RGP1: variants seen among roughly 807,000 people sequenced by gnomAD.
The protein encoded by RGP1 is RGP1 partner of RAB6A GEF complex.
A neutral mutation model predicts 44.5 loss-of-function variants in RGP1; 28 were observed. That is an observed-to-expected ratio of 0.63 (90% confidence interval 0.47 to 0.86). RGP1 has a LOEUF of 0.86. RGP1 is among the 40% of genes least tolerant of loss of function. RGP1 has a pLI of 0.00. For missense variants in RGP1, 417 were observed against 490.7 expected (o/e 0.85, Z 1.42); for synonymous variants, 212 against 196.7 (o/e 1.08, Z -0.65).
rs778571366 is a variant in RGP1 at position 35,750,958 on chromosome 9, C to G, written c.456C>G (p.Leu152=). Residue 152 remains leucine, a synonymous_variant, in exon 5 of 9, where the codon CTC becomes CTG. Transcript: ENST00000378078. The part of the protein sequence containing the change: ...CQRVNSPITL[L]RVPLRVLVLT... ...GTGTCAACTCCCCTATCACTTTACTCAGAGTCCCTCTGAGGGTTCTTGTGC... is the reference window on the plus strand; with the variant it reads ...GTGTCAACTCCCCTATCACTTTACTGAGAGTCCCTCTGAGGGTTCTTGTGC... The G allele has an allele frequency of 3.1e-6, 5 of 1,613,942 alleles. No homozygotes were observed. The highest frequency in any genetic ancestry group is 4.2e-6 in the Non-Finnish European group (5 of 1,179,886).
intron 8 of RGP1, 54 bp downstream of exon 8, chr9:35,752,199 C>T (rs1356683415): frequency 2.0e-6 from 3 of 1,468,656 alleles, no homozygotes; most frequent in Non-Finnish European, 2.7e-6. Context: ...AAATGCTGTG[C>T]TAAGGGAGGG....
the RGP1 span, among the ~76,000 whole-genome samples, chr9:35,783,536 GT>G: frequency 6.2e-4 from 88 of 142,624 alleles, no homozygotes; most frequent in Middle Eastern, 7.0e-3. Context: ...ATCAGTTTTT[GT>G]TTTTTTTTTT....
Position 35,749,992 on chromosome 9 carries a change from C to A in RGP1, c.116+121C>A. ...CACCTCCTCTTGCTCACTGTGCTGT[C>A]ATTGTAGGAGAGGGCTCTTTAACAG... On this transcript the variant is annotated intron_variant, in intron 2 of 8. Coordinates refer to ENST00000378078, the MANE Select transcript of RGP1 (RefSeq NM_001080496.3). The surrounding 1 kb of genome is among the most constrained non-coding windows in gnomAD (Gnocchi z 4.4). 1.1e-6 allele frequency: 1 copy of A among 885,696 alleles called. No individual in the cohort carries two copies. Among genetic ancestry groups the A allele is most frequent in the Non-Finnish European group, 1.8e-6 (1 of 569,728 alleles). 54.9% of individuals were successfully genotyped at this position (885,696 alleles called of 1,614,324 possible).
rs777665311 is a variant in RGP1, at chr9:35,752,715, A to G, written c.1017A>G (p.Leu339=). ...CCCGAGAACCAGGATTGGTACTCCT[A>G]CCCCCTGTGGAACAGCCCGAACCTA... ...VTSREPGLVL[L]PPVEQPEPTT... is the part of the protein sequence containing the mutation. Residue 339 remains leucine (L), a synonymous_variant, in exon 9 of 9, where the codon CTA becomes CTG. Coordinates refer to ENST00000378078, the MANE Select transcript of RGP1 (RefSeq NM_001080496.3). The G allele has an allele frequency of 3.1e-6, 5 of 1,613,428 alleles. No individual in the cohort carries two copies. Among genetic ancestry groups the G allele is most frequent in the Admixed American group, 1.7e-5 (1 of 59,948 alleles).
intron 7 of RGP1, 82 bp from the exon 8 acceptor site, chr9:35,751,874 T>A (rs976491932): frequency 6.4e-7 from 1 of 1,566,890 alleles, no homozygotes; most frequent in Admixed American, 1.8e-5. Flanking sequence ...CAGGGTCCCT[T>A]TGTAAAACAG....
In RGP1 at chr9:35,749,613, C is replaced by A. The variant is rs1181979254; in HGVS notation, c.-19-124C>A. On this transcript the variant is annotated intron_variant, in intron 1 of 8. Transcript: ENST00000378078. This position sits in a 1 kb window ranked among gnomAD's most constrained non-coding sequence, Gnocchi z 4.4. ...TCCCACCCGCCTACCCCTCCTATAT[C>A]CAGGAGCTCCCTCGGGCACCACGGT... 12 of 675,540 alleles carry A rather than the reference C, an allele frequency of 1.8e-5. No homozygotes were observed. The highest frequency in any genetic ancestry group is 3.3e-5 in the Non-Finnish European group (12 of 367,324). The allele number at this position is 675,540 out of a possible 1,614,324, so 41.8% of individuals were successfully genotyped here. A position where few individuals can be genotyped will look rare whatever the true frequency, so the allele number is the denominator to read the frequency against.
downstream of RGP1, among the ~76,000 whole-genome samples, chr9:35,758,833 C>G (rs374433287): frequency 1.3e-5 from 2 of 152,144 alleles, no homozygotes; most frequent in Admixed American, 1.3e-4. Flanking sequence ...GCCCACAGTC[C>G]TTTCTGGCTC....
chr9:35,771,250 G>A, the RGP1 span, among the ~76,000 whole-genome samples: 4 of 152,020 alleles, frequency 2.6e-5, no homozygotes, highest in Admixed American at 6.6e-5. Context: ...CTTACACACT[G>A]TCCTAAAAAG....
At chr9:35,751,202 C>A in intron 5 of RGP1, 64 bp from the exon 6 acceptor site, 1 of 1,581,974 alleles carries the variant, frequency 6.3e-7, no homozygotes, top group Non-Finnish European at 8.7e-7. Flanking sequence ...GAATCTAAAA[C>A]CCTAACCTCT....
the RGP1 span, among the ~76,000 whole-genome samples, chr9:35,789,720 A>G: frequency 6.6e-6 from 1 of 151,556 alleles, no homozygotes; most frequent in African/African-American, 2.4e-5. Context: ...TTCCAGAGAG[A>G]CTTGCCTGGG....
At chr9:35,762,224 A>G (rs1450629682), downstream of RGP1, among the ~76,000 whole-genome samples, 3 of 152,232 alleles carry the variant, frequency 2.0e-5, no homozygotes, top group Non-Finnish European at 1.5e-5. Flanking sequence ...GGCAGACATG[A>G]TAGCTCTCCT....
At chr9:35,769,071 G>T in the RGP1 span, among the ~76,000 whole-genome samples, 1 of 152,360 alleles carries the variant, frequency 6.6e-6, no homozygotes, top group African/African-American at 2.4e-5. Flanking sequence ...GGGACTGATT[G>T]GGCCCATTTG....
At position 35,754,890 on chromosome 9, in the gene RGP1, G is replaced by A. The variant is rs1428929097; in HGVS notation, c.*2016G>A. The A allele has an allele frequency of 2.0e-5, 3 of 152,208 alleles. No homozygotes were observed. The highest frequency in any genetic ancestry group is 1.9e-4 in the East Asian group (1 of 5,198). The allele number at this position is 152,208 out of a possible 1,614,324, so 9.4% of individuals were successfully genotyped here. On this transcript the variant is annotated 3_prime_UTR_variant, in exon 9 of 9. Transcript: ENST00000378078. ...TATCACCTTCAAACATACAGCAGAT[G>A]TGGGATCACCCCACATCTGGGGATG...
rs1306205379 is a variant in RGP1 at position 35,751,285 on chromosome 9, TC to T, written c.511del (p.Gln171ArgfsTer5). On this transcript the variant is annotated frameshift_variant, in exon 6 of 9. Coordinates refer to ENST00000378078, the MANE Select transcript of RGP1 (RefSeq NM_001080496.3). LOFTEE classifies it high-confidence loss of function. ...VLTGLQDVRF[P>X]QDEAVAPSSP... Reference sequence around the variant, plus strand: ...CTCTAGGCCTTCAGGATGTCCGGTTTCCCCAGGATGAGGCTGTAGCCCCATC... The same window carrying T: ...CTCTAGGCCTTCAGGATGTCCGGTTTCCCAGGATGAGGCTGTAGCCCCATC... 2 of 1,613,962 alleles carry T rather than the reference TC, an allele frequency of 1.2e-6. No homozygotes were observed. Among genetic ancestry groups the T allele is most frequent in the Admixed American group, 3.3e-5 (2 of 60,026 alleles).
chr9:35,775,035 G>A, the RGP1 span, among the ~76,000 whole-genome samples: 3 of 152,124 alleles, frequency 2.0e-5, no homozygotes, highest in African/African-American at 7.2e-5. Flanking sequence ...TGGGAGAAAA[G>A]GGAAATCAGT....
At chr9:35,759,834 A>AATCTCTAATGTCCTTTTTTCATCCAG (rs1827403381), downstream of RGP1, among the ~76,000 whole-genome samples, 1 of 92,872 alleles carries the variant, frequency 1.1e-5, no homozygotes, top group Non-Finnish European at 2.4e-5. Context: ...TTTGTAGAAG[A>AATCTCTAATGTCCTTTTTTCATCCAG]ATCTCTAATG....
At chr9:35,773,563 G>A in the RGP1 span, among the ~76,000 whole-genome samples, 1 of 151,308 alleles carries the variant, frequency 6.6e-6, no homozygotes, top group Admixed American at 6.6e-5. Flanking sequence ...ATGCAGTGGT[G>A]CTATCTTGGC....
rs759162782 is a variant in RGP1 at position 35,751,773 on chromosome 9, T to C, written c.762+19T>C. 3 of 1,613,714 alleles carry C rather than the reference T, an allele frequency of 1.9e-6. No individual in the cohort carries two copies. The Admixed American group carries it at 5.0e-5, about 27-fold the overall frequency. ...TTTGCAGGTAAGAAGGGAGCAGAGC[T>C]TCTTACCTGCTGGGGTGCTGGGGTT... On this transcript the variant is annotated intron_variant, in intron 7 of 8. Transcript: ENST00000378078.
rs764512644 is a variant in RGP1, at chr9:35,753,789, TTAG to T, written c.*919_*921del. 17 of 1,605,676 alleles carry T rather than the reference TTAG, an allele frequency of 1.1e-5. No homozygotes were observed. The African/African-American group carries it at 2.1e-4, about 20-fold the overall frequency. Reference sequence around the variant, plus strand: ...GGGGGCTAGGGAAGAACGGGAAATGTTAGTAGGTGTAGGAGTGCTGATGAGAGG... The same window carrying T: ...GGGGGCTAGGGAAGAACGGGAAATGTTAGGTGTAGGAGTGCTGATGAGAGG... On this transcript the variant is annotated 3_prime_UTR_variant, in exon 9 of 9. Transcript: ENST00000378078. The surrounding 1 kb of genome is among the most constrained non-coding windows in gnomAD (Gnocchi z 4.2).
Sources: gnomAD v4.1 joint callset for allele counts (sites outside exome capture counted in the v4.1 genomes callset) on GRCh38, gnomAD v4.1.1 for gene constraint, Gnocchi (gnomAD v3.1) non-coding constraint, MANE v1.5 for transcripts, NCBI Gene and HGNC (gene_info 2026-07-23, HGNC 2026-07-21) for gene names.